DCDC1: variants seen among roughly 807,000 people sequenced by gnomAD.
The protein encoded by DCDC1 is doublecortin domain containing 1, also known as doublecortin domain-containing protein 1.
DCDC1 carries 200 observed loss-of-function variants against 178.3 expected under a neutral mutation model. The ratio of observed to expected loss-of-function variants is 1.12; its 90% CI spans 1.00 to 1.26. The LOEUF (loss-of-function observed/expected upper bound fraction) is 1.26. Among genes scored for constraint, DCDC1 ranks in the 50% most tolerant of loss-of-function variants. The pLI is 0.00. For synonymous variants in DCDC1, 690 were observed against 604.8 expected (o/e 1.14, Z -2.07); for missense variants, 1,983 against 1,749.2 (o/e 1.13, Z -2.38).
At chr11:30,874,172 A>G (rs543618618) in intron 38 of DCDC1, among the ~76,000 whole-genome samples, 1 of 152,322 alleles carries the variant, frequency 6.6e-6, no homozygotes, top group African/African-American at 2.4e-5. Context: ...GATAATAAAC[A>G]GCACTGTCCC....
chr11:30,885,442 A>C (rs1186797389), intron 36 of DCDC1, among the ~76,000 whole-genome samples: 1 of 152,016 alleles, frequency 6.6e-6, no homozygotes, highest in Non-Finnish European at 1.5e-5. Context: ...CTTACAACAA[A>C]TCTAATAAAG....
chr11:31,092,046 G>A (rs1957851484), intron 16 of DCDC1, among the ~76,000 whole-genome samples: 2 of 152,010 alleles, frequency 1.3e-5, no homozygotes, highest in African/African-American at 4.8e-5. Context: ...TTGCTTGAAG[G>A]GCCATTTAAC....
chr11:31,132,001 G>A (rs1415641305), intron 10 of DCDC1, among the ~76,000 whole-genome samples: 3 of 152,126 alleles, frequency 2.0e-5, no homozygotes, highest in Non-Finnish European at 4.4e-5. Flanking sequence ...ACTCTAAAGG[G>A]CTATTGGCTA....
At chr11:31,309,142 T>TTGTGTGTG (rs56349731) in intron 3 of DCDC1, among the ~76,000 whole-genome samples, 1 of 147,958 alleles carries the variant, frequency 6.8e-6, no homozygotes, top group Non-Finnish European at 1.5e-5. Flanking sequence ...AAATAGATGT[T>TTGTGTGTG]TGTGTGTGTG....
chr11:30,910,691 G>A (rs1297168152), intron 28 of DCDC1, among the ~76,000 whole-genome samples: 6 of 151,992 alleles, frequency 3.9e-5, no homozygotes, highest in African/African-American at 1.4e-4. Context: ...AGTGGTTTTG[G>A]TTATAAGCAT....
intron 25 of DCDC1, among the ~76,000 whole-genome samples, chr11:30,917,604 CT>C (rs1378398421): frequency 6.6e-6 from 1 of 152,116 alleles, no homozygotes; most frequent in Non-Finnish European, 1.5e-5. Context: ...TTGAGTCAGC[CT>C]TCTGGCTTCT....
In DCDC1 at chr11:31,165,928, C is replaced by T. The variant is rs551350900; in HGVS notation, c.1222-28144G>A. ...TCAGGGAATTTCCACAGTTCATGTG[C>T]TTACCATGTCTAAAATTCACACAGT... On this transcript the variant is annotated intron_variant, in intron 9 of 38. Coordinates refer to ENST00000684477, the MANE Select transcript of DCDC1 (RefSeq NM_001387274.1). 2.9e-4 allele frequency among the ~76,000 whole-genome samples: 44 copies of T among 152,268 alleles called. 1 individual carries two copies. The highest frequency in any genetic ancestry group is 5.4e-4 in the Non-Finnish European group (37 of 68,024).
At chr11:31,299,795 G>T (rs1947961956) in intron 6 of DCDC1, among the ~76,000 whole-genome samples, 1 of 152,106 alleles carries the variant, frequency 6.6e-6, no homozygotes, top group Non-Finnish European at 1.5e-5. Flanking sequence ...ACTATCATAT[G>T]CCAGGTTTTT....
intron 11 of DCDC1, among the ~76,000 whole-genome samples, chr11:31,122,432 C>T (rs555845295): frequency 6.6e-6 from 1 of 152,150 alleles, no homozygotes; most frequent in South Asian, 2.1e-4. Context: ...GATGCTTGCA[C>T]CACACCTGAA....
At chr11:31,100,682 T>C (rs1295694947) in intron 15 of DCDC1, among the ~76,000 whole-genome samples, 1 of 152,122 alleles carries the variant, frequency 6.6e-6, no homozygotes, top group Non-Finnish European at 1.5e-5. Flanking sequence ...ATGTACAGTA[T>C]ACAGAGCAAG....
chr11:31,147,808 CAAAG>C (rs1459678400), intron 9 of DCDC1, among the ~76,000 whole-genome samples: 2 of 152,086 alleles, frequency 1.3e-5, no homozygotes, highest in African/African-American at 4.8e-5. Flanking sequence ...AAGGGAAGGC[CAAAG>C]AAAGAGTCTG....
chr11:31,096,632 T>C (rs1958170096), intron 15 of DCDC1, among the ~76,000 whole-genome samples: 1 of 152,010 alleles, frequency 6.6e-6, no homozygotes, highest in Non-Finnish European at 1.5e-5. Flanking sequence ...TGCTGGACAG[T>C]TCCCAAGTGA....
intron 21 of DCDC1, among the ~76,000 whole-genome samples, chr11:30,932,629 A>C (rs1947008812): frequency 6.6e-6 from 1 of 152,218 alleles, no homozygotes; most frequent in African/African-American, 2.4e-5. Flanking sequence ...ACTTACCTAA[A>C]TATAGACTGG....
At chr11:30,909,891 G>A (rs927394295) in intron 28 of DCDC1, among the ~76,000 whole-genome samples, 1 of 152,146 alleles carries the variant, frequency 6.6e-6, no homozygotes, top group Non-Finnish European at 1.5e-5. Context: ...ACTTAAACCA[G>A]TAGATTAGTT....
At chr11:31,043,100 T>C (rs1419116825) in intron 20 of DCDC1, among the ~76,000 whole-genome samples, 2 of 152,228 alleles carry the variant, frequency 1.3e-5, no homozygotes, top group African/African-American at 2.4e-5. Flanking sequence ...AGCATGTGAC[T>C]GTACTGAATA....
intron 3 of DCDC1, among the ~76,000 whole-genome samples, chr11:31,323,140 A>T (rs1351399756): frequency 2.6e-5 from 4 of 152,214 alleles, no homozygotes; most frequent in Non-Finnish European, 4.4e-5. Flanking sequence ...TTTATGAAAC[A>T]CAAAACATCC....
At position 31,105,084 on chromosome 11, in the gene DCDC1, A is replaced by G. The variant is rs1227664763; in HGVS notation, c.1752-1315T>C. On this transcript the variant is annotated intron_variant, in intron 13 of 38. Transcript: ENST00000684477. ...TTAACACGTATTGCACATTTTCTCA[A>G]CATATTTCAAACTAGACGGCAATAA... Among the ~76,000 whole-genome samples, 6 of 152,220 alleles carry G rather than the reference A, an allele frequency of 3.9e-5. No individual in the cohort carries two copies. In the East Asian group the frequency reaches 1.2e-3, roughly 29 times the overall value.
chr11:31,045,285 T>C, intron 20 of DCDC1, among the ~76,000 whole-genome samples: 1 of 152,118 alleles, frequency 6.6e-6, no homozygotes, highest in African/African-American at 2.4e-5. Flanking sequence ...CTCTTCCTAC[T>C]CAGAGAAATT....
chr11:30,948,206 A>T (rs1372085590), intron 21 of DCDC1, among the ~76,000 whole-genome samples: 1 of 152,158 alleles, frequency 6.6e-6, no homozygotes, highest in Non-Finnish European at 1.5e-5. Flanking sequence ...CCTATACACC[A>T]ATAATAGACA....
Sources: allele counts gnomAD v4.1 joint callset (sites outside exome capture counted in the v4.1 genomes callset), GRCh38; gene constraint gnomAD v4.1.1; transcripts MANE v1.5; gene names NCBI Gene and HGNC (gene_info 2026-07-23, HGNC 2026-07-21).